The following PCDH11X variants were observed in gnomAD, a reference collection of about 807,000 sequenced individuals.
PCDH11X encodes protocadherin 11 X-linked.
A neutral mutation model predicts 53.3 loss-of-function variants in PCDH11X; 18 were observed. The observed-to-expected ratio is 0.34, with a 90% CI of 0.23 to 0.50. The LOEUF (loss-of-function observed/expected upper bound fraction) is 0.50. Among genes scored for constraint, PCDH11X ranks in the 20% least tolerant of loss-of-function variants. The pLI is 0.98. For missense variants in PCDH11X, 570 were observed against 1,032.4 expected (o/e 0.55, Z 6.14); for synonymous variants, 279 against 393.3 (o/e 0.71, Z 3.44).
intron 6 of PCDH11X, among the ~76,000 whole-genome samples, chrX:92,046,258 T>C (rs1192900247): frequency 8.9e-6 from 1 of 111,849 alleles, no homozygotes; most frequent in Non-Finnish European, 1.9e-5. Flanking sequence ...AACATACCAC[T>C]GGATGGACAC....
chrX:92,303,686 G>A (rs1287335146), intron 8 of PCDH11X, among the ~76,000 whole-genome samples: 2 of 111,801 alleles, frequency 1.8e-5, no homozygotes, highest in Non-Finnish European at 3.8e-5. Flanking sequence ...TTTAGGAAGC[G>A]ATATCTGTCA....
chrX:92,469,074 T>TAA (rs1206076299), intron 10 of PCDH11X, among the ~76,000 whole-genome samples: 7 of 104,652 alleles, frequency 6.7e-5, no homozygotes, highest in Non-Finnish European at 9.9e-5. Context: ...CTGTTCTTTA[T>TAA]AACAATAATT....
At chrX:92,150,715 C>T (rs928982172) in intron 6 of PCDH11X, among the ~76,000 whole-genome samples, 1 of 110,837 alleles carries the variant, frequency 9.0e-6, no homozygotes, top group African/African-American at 3.3e-5. Flanking sequence ...CTTAATTTCC[C>T]TTGGCAATAT....
intron 8 of PCDH11X, among the ~76,000 whole-genome samples, chrX:92,339,123 C>T (rs1180707943): frequency 2.7e-5 from 3 of 111,620 alleles, no homozygotes; most frequent in Non-Finnish European, 3.8e-5. Context: ...CACACACATA[C>T]CAACATCTGA....
In PCDH11X at chrX:92,358,000, T is replaced by C. The variant is rs76884505; in HGVS notation, c.3145-29735T>C. 2.8e-3 allele frequency among the ~76,000 whole-genome samples: 305 copies of C among 110,041 alleles called. 6 individuals are homozygous for C. In the East Asian group the frequency reaches 0.053, roughly 19 times the overall value. On this transcript the variant is annotated intron_variant, in intron 8 of 10. Coordinates refer to ENST00000682573, the MANE Select transcript of PCDH11X (RefSeq NM_032968.5). The stretch of plus-strand genomic sequence containing the variant: ...AGAAATTTTGGGCATATTTAGGATG[T>C]AGAATGGACAATAATTGGTGACGTC...
intron 9 of PCDH11X, among the ~76,000 whole-genome samples, chrX:92,430,631 A>G (rs1269231476): frequency 1.0e-5 from 1 of 96,196 alleles, no homozygotes; most frequent in Non-Finnish European, 2.2e-5. Flanking sequence ...AAATATATTA[A>G]AAAGCCTCAG....
At position 92,604,142 on chromosome X, in the gene PCDH11X, C is replaced by T. The variant is rs761747439; in HGVS notation, c.3368-14122C>T. Among the ~76,000 whole-genome samples the T allele has an allele frequency of 2.8e-5, 3 of 108,361 alleles. No individual in the cohort carries two copies. In the South Asian group the frequency reaches 1.2e-3, roughly 43 times the overall value. 94.1% of individuals were successfully genotyped at this position (108,361 alleles called of 115,157 possible). A position where few individuals can be genotyped will look rare whatever the true frequency, so the allele number is the denominator to read the frequency against. On this transcript the variant is annotated intron_variant, in intron 10 of 10. Coordinates refer to ENST00000682573, the MANE Select transcript of PCDH11X (RefSeq NM_032968.5). The stretch of plus-strand genomic sequence containing the variant: ...ATGATACCAGATTATAACTAGAATT[C>T]ACAGGAAAAGAAATAAAAGAACAAA...
At chrX:92,157,941 G>A (rs1435062979) in intron 6 of PCDH11X, among the ~76,000 whole-genome samples, 2 of 111,801 alleles carry the variant, frequency 1.8e-5, no homozygotes, top group African/African-American at 6.5e-5. Context: ...AAGGCCGGTC[G>A]CGGTAGCTCA....
chrX:92,033,481 G>A (rs1480988332), intron 6 of PCDH11X, among the ~76,000 whole-genome samples: 2 of 108,207 alleles, frequency 1.8e-5, no homozygotes, highest in African/African-American at 3.4e-5. Flanking sequence ...TAGGTTGTAT[G>A]TGTCTATGAA....
chrX:92,207,780 A>T (rs2066502393), intron 7 of PCDH11X, among the ~76,000 whole-genome samples: 2 of 111,845 alleles, frequency 1.8e-5, no homozygotes, highest in Non-Finnish European at 3.8e-5. Flanking sequence ...CCTACAAAAA[A>T]CATAACTGAC....
intron 9 of PCDH11X, among the ~76,000 whole-genome samples, chrX:92,405,880 G>T (rs2071496505): frequency 9.0e-6 from 1 of 110,626 alleles, no homozygotes; most frequent in African/African-American, 3.3e-5. Context: ...GGATCACGAG[G>T]TCAGGAGATC....
intron 5 of PCDH11X, among the ~76,000 whole-genome samples, chrX:91,870,154 G>C (rs1349486485): frequency 9.0e-6 from 1 of 111,424 alleles, no homozygotes; most frequent in African/African-American, 3.2e-5. Context: ...TGTTCTCGTG[G>C]ATATAACAAC....
chrX:91,926,552 A>G (rs1376613489), intron 6 of PCDH11X, among the ~76,000 whole-genome samples: 1 of 111,344 alleles, frequency 9.0e-6, no homozygotes, highest in East Asian at 2.9e-4. Context: ...TTAAAAGCCT[A>G]TTGTTATATC....
chrX:92,270,570 G>A (rs2067936318), intron 8 of PCDH11X, among the ~76,000 whole-genome samples: 1 of 111,896 alleles, frequency 8.9e-6, no homozygotes, highest in African/African-American at 3.3e-5. Context: ...GCCTAGGAGG[G>A]AGGTCTGTGC....
chrX:92,032,333 A>T (rs1468027646), intron 6 of PCDH11X, among the ~76,000 whole-genome samples: 1 of 111,216 alleles, frequency 9.0e-6, no homozygotes, highest in Non-Finnish European at 1.9e-5. Context: ...TTTATTTTCT[A>T]TCCTGCAATT....
chrX:92,201,527 T>C (rs1393902762), intron 7 of PCDH11X, 72 bp downstream of exon 7: 6 of 630,690 alleles, frequency 9.5e-6, no homozygotes, highest in Non-Finnish European at 1.5e-5. Flanking sequence ...TAAGGAATAC[T>C]CTTAAGTAGT....
At chrX:92,472,840 C>T (rs2073296134) in intron 10 of PCDH11X, among the ~76,000 whole-genome samples, 1 of 110,268 alleles carries the variant, frequency 9.1e-6, no homozygotes, top group Non-Finnish European at 1.9e-5. Flanking sequence ...TTTTTCACCT[C>T]CCTGGTTAGC....
chrX:92,236,685 T>C (rs2067176996), intron 7 of PCDH11X, among the ~76,000 whole-genome samples: 1 of 111,777 alleles, frequency 8.9e-6, no homozygotes, highest in Admixed American at 9.5e-5. Context: ...ATACTGGTGA[T>C]TGTGGCCATT....
At chrX:91,933,730 A>T (rs1395370102) in intron 6 of PCDH11X, among the ~76,000 whole-genome samples, 1 of 111,325 alleles carries the variant, frequency 9.0e-6, no homozygotes, top group Non-Finnish European at 1.9e-5. Flanking sequence ...AGTTATTCCT[A>T]AATTTGTCAG....
Sources: allele counts gnomAD v4.1 joint callset (sites outside exome capture counted in the v4.1 genomes callset), GRCh38; gene constraint gnomAD v4.1.1; transcripts MANE v1.5; gene names NCBI Gene and HGNC (gene_info 2026-07-23, HGNC 2026-07-21).